WASL: variants seen among roughly 807,000 people sequenced by gnomAD.
WASL encodes the protein actin nucleation-promoting factor WASL.
In WASL, 20 loss-of-function variants were observed where a neutral mutation model predicts 55.5. The ratio of observed to expected loss-of-function variants is 0.36; its 90% CI spans 0.25 to 0.52. The LOEUF is 0.52. Ranked by LOEUF, WASL falls within the 20% of genes least tolerant of loss-of-function variation. The pLI is 0.92. For synonymous variants in WASL, 249 were observed against 217.6 expected, an observed-to-expected ratio of 1.14 and a Z score of -1.27; for missense variants, 504 against 622.5, an observed-to-expected ratio of 0.81 and a Z score of 2.03.
chr7:123,746,781 T>C (rs1804437544), intron 1 of WASL, among the ~76,000 whole-genome samples: 1 of 152,246 alleles, frequency 6.6e-6, no homozygotes, highest in African/African-American at 2.4e-5. Flanking sequence ...ATCTGCCATT[T>C]TTCGAAACCA....
At chr7:123,711,457 G>T (rs1803756426) in intron 1 of WASL, among the ~76,000 whole-genome samples, 1 of 152,028 alleles carries the variant, frequency 6.6e-6, no homozygotes, top group Non-Finnish European at 1.5e-5. Context: ...TCAGTAACTG[G>T]ATTTTCAAAA....
chr7:123,719,030 T>C (rs575748896), intron 1 of WASL, among the ~76,000 whole-genome samples: 50 of 152,354 alleles, frequency 3.3e-4, no homozygotes, highest in African/African-American at 1.0e-3. Context: ...AGCAACATTT[T>C]CGCTTCCACA....
Position 123,720,524 on chromosome 7 carries a change from C to G in WASL, c.118-11301G>C, listed in dbSNP as rs116116846. On this transcript the variant is annotated intron_variant, in intron 1 of 10. Coordinates refer to ENST00000223023, the MANE Select transcript of WASL (RefSeq NM_003941.4). ...TGTATGCACAGAACCTTCTGAAGAA[C>G]AGACAAAACTAGTAACAGTTGTTTA... is the stretch of plus-strand genomic sequence containing the variant. Among the ~76,000 whole-genome samples, 376 of 152,210 alleles carry G rather than the reference C, an allele frequency of 2.5e-3. 3 individuals are homozygous for G. The highest frequency in any genetic ancestry group is 8.4e-3 in the African/African-American group (349 of 41,526).
chr7:123,734,676 T>C (rs1804196800), intron 1 of WASL, among the ~76,000 whole-genome samples: 1 of 151,538 alleles, frequency 6.6e-6, no homozygotes, highest in South Asian at 2.1e-4. Context: ...GCAGGGTATC[T>C]GTAGGGCAGT....
intron 1 of WASL, among the ~76,000 whole-genome samples, chr7:123,725,077 TA>T (rs1260522843): frequency 6.6e-6 from 1 of 152,202 alleles, no homozygotes; most frequent in Non-Finnish European, 1.5e-5. Flanking sequence ...CGTACATTTT[TA>T]AAAAGAATGT....
intron 1 of WASL, 114 bp downstream of exon 1, chr7:123,748,504 C>G: frequency 1.3e-5 from 14 of 1,098,434 alleles, no homozygotes; most frequent in South Asian, 8.7e-5. Flanking sequence ...CCGGGGCTGG[C>G]GGGAGGCCTG....
rs981704360 is a variant in WASL, at chr7:123,696,841, G to A, written c.461-94C>T. On this transcript the variant is annotated intron_variant, in intron 5 of 10. Transcript: ENST00000223023. ...AATTTAAATACTTTTTCTGAAATAG[G>A]ATCACTTCATTATAAATTATTTATA... The A allele has an allele frequency of 1.1e-5, 9 of 845,368 alleles. 1 individual carries two copies. In the East Asian group the frequency reaches 2.3e-4, roughly 22 times the overall value. The allele number at this position is 845,368 out of a possible 1,614,324, so 52.4% of individuals were successfully genotyped here. A position where few individuals can be genotyped will look rare whatever the true frequency, so the allele number is the denominator to read the frequency against.
chr7:123,686,086 G>A (rs1309543350), intron 10 of WASL, among the ~76,000 whole-genome samples: 1 of 151,216 alleles, frequency 6.6e-6, no homozygotes, highest in African/African-American at 2.4e-5. Flanking sequence ...AGTATTTGAA[G>A]AAGTACTGGA....
At chr7:123,743,654 ATAG>A (rs1221825462) in intron 1 of WASL, among the ~76,000 whole-genome samples, 2 of 152,202 alleles carry the variant, frequency 1.3e-5, no homozygotes, top group African/African-American at 4.8e-5. Context: ...TGAGCACTGA[ATAG>A]TATTCATAAC....
intron 1 of WASL, among the ~76,000 whole-genome samples, chr7:123,713,012 G>A (rs1035985996): frequency 6.6e-6 from 1 of 151,884 alleles, no homozygotes; most frequent in Admixed American, 6.6e-5. Flanking sequence ...GGAGTCACAG[G>A]GATCCTTGTT....
rs147811158 is a variant in WASL at position 123,742,075 on chromosome 7, T to C, written c.117+6543A>G. ...AACAGAGAGATGGCCAAAGAGTGAC[T>C]GGCAGAACTTGGTGAAAGAGACACT... On this transcript the variant is annotated intron_variant, in intron 1 of 10. Coordinates refer to ENST00000223023, the MANE Select transcript of WASL (RefSeq NM_003941.4). 2.0e-3 allele frequency among the ~76,000 whole-genome samples: 306 copies of C among 152,306 alleles called. 3 individuals are homozygous for C. The Middle Eastern group carries it at 0.027, about 14-fold the overall frequency.
In WASL at chr7:123,692,831, G is replaced by T; in HGVS notation, c.863C>A (p.Pro288His). 2 of 1,394,718 alleles carry T rather than the reference G, an allele frequency of 1.4e-6. No individual in the cohort carries two copies. The highest frequency in any genetic ancestry group is 1.9e-6 in the Non-Finnish European group (2 of 1,070,672). The allele number at this position is 1,394,718 out of a possible 1,614,324, so 86.4% of individuals were successfully genotyped here. The change falls in exon 9 of 11, where the codon CCT becomes CAT. Residue 288 changes from proline (P) to histidine (H), a missense_variant. Physicochemically the swap from Pro to His is moderately conservative, Grantham distance 77. Around this residue, in one of 5 missense-constraint regions of WASL, gnomAD observed 201 missense variants for 206.2 expected, o/e 0.97. Coordinates refer to ENST00000223023, the MANE Select transcript of WASL (RefSeq NM_003941.4). ...GTTGTGTGGAGGGGGAGGAGGAGGA[G>T]GTGGCCCTCCCCTTGATGGTGGTGG... ...PPPPPSRGGPPPPPPPPHNSG... is the reference protein window; with the variant it reads ...PPPPPSRGGPHPPPPPPHNSG...
chr7:123,733,913 C>CAAAAAAAAAAAAAAAAAAAAACAAAAA (rs33913069), intron 1 of WASL, among the ~76,000 whole-genome samples: 1 of 110,800 alleles, frequency 9.0e-6, no homozygotes, highest in Non-Finnish European at 1.8e-5. Context: ...ATCCACGTGC[C>CAAAAAAAAAAAAAAAAAAAAACAAAAA]AAAAAAAAAA....
chr7:123,689,191 A>G (rs1269914592), intron 9 of WASL, 41 bp from the exon 10 acceptor site: 3 of 1,539,756 alleles, frequency 1.9e-6, no homozygotes, highest in Non-Finnish European at 2.7e-6. Context: ...ATAAATCTTT[A>G]GCCAAGAATC....
intron 6 of WASL, among the ~76,000 whole-genome samples, 180 bp from the exon 7 acceptor site, chr7:123,696,045 T>TA: frequency 6.6e-6 from 1 of 152,206 alleles, no homozygotes; most frequent in African/African-American, 2.4e-5. Flanking sequence ...AACAGGATTC[T>TA]AGCCCTGACT....
chr7:123,687,878 C>T (rs1382185937), intron 10 of WASL, among the ~76,000 whole-genome samples: 1 of 152,080 alleles, frequency 6.6e-6, no homozygotes, highest in Non-Finnish European at 1.5e-5. Flanking sequence ...GATCTTAAGA[C>T]ATGGACATCC....
chr7:123,696,494 A>C, intron 6 of WASL, 85 bp downstream of exon 6: 1 of 1,357,260 alleles, frequency 7.4e-7, no homozygotes, highest in Non-Finnish European at 9.7e-7. Context: ...CGAAAAGAGA[A>C]GAAAATTTTC....
chr7:123,697,941 C>A (rs1267328568), intron 5 of WASL, among the ~76,000 whole-genome samples: 2 of 152,190 alleles, frequency 1.3e-5, no homozygotes, highest in Non-Finnish European at 2.9e-5. Context: ...CCCTGGGCAC[C>A]AAGTCTCAAG....
intron 5 of WASL, among the ~76,000 whole-genome samples, chr7:123,701,053 C>T (rs896926105): frequency 3.9e-5 from 6 of 152,088 alleles, no homozygotes; most frequent in African/African-American, 1.2e-4. Context: ...CTGTTTCAAG[C>T]GACACACTAA....
Sources: allele counts gnomAD v4.1 joint callset (sites outside exome capture counted in the v4.1 genomes callset), GRCh38; gene constraint gnomAD v4.1.1; regional missense constraint gnomAD v4.1.1; transcripts MANE v1.5; gene names NCBI Gene and HGNC (gene_info 2026-07-23, HGNC 2026-07-21).